Variants in TENM2 observed in about 807,000 individuals in gnomAD.
TENM2 encodes the protein teneurin transmembrane protein 2, also known as teneurin-2.
A neutral mutation model predicts 245.2 loss-of-function variants in TENM2; 52 were observed. That is an observed-to-expected ratio of 0.21 (90% CI 0.17 to 0.27). The LOEUF (loss-of-function observed/expected upper bound fraction) is 0.27, where lower values mean the gene tolerates loss of function less well. Ranked by LOEUF, TENM2 falls within the 10% of genes least tolerant of loss-of-function variation. The probability of loss-of-function intolerance (pLI) is 1.00; values close to 1 mark genes in which losing one functional copy is unlikely to be tolerated. For synonymous variants in TENM2, 1,363 were observed against 1,438.9 expected (o/e 0.95, Z 1.19); for missense variants, 3,046 against 3,666.8 (o/e 0.83, Z 4.37).
At chr5:167,060,623 C>T in the TENM2 span, among the ~76,000 whole-genome samples, 80 of 147,394 alleles carry the variant, frequency 5.4e-4, no homozygotes, top group Non-Finnish European at 8.6e-4. Flanking sequence ...TGCACTCCAG[C>T]CTGATCAACA....
intron 2 of TENM2, among the ~76,000 whole-genome samples, chr5:167,606,153 G>T (rs2127738463): frequency 6.6e-6 from 1 of 152,274 alleles, no homozygotes; most frequent in Non-Finnish European, 1.5e-5. Context: ...AGACATCTGT[G>T]TTTGCACTCC....
chr5:167,578,901 G>A (rs1243142922), intron 2 of TENM2, among the ~76,000 whole-genome samples: 1 of 152,138 alleles, frequency 6.6e-6, no homozygotes, highest in Non-Finnish European at 1.5e-5. Flanking sequence ...CGATGAGAAG[G>A]AGCAAAAATA....
intron 1 of TENM2, among the ~76,000 whole-genome samples, chr5:167,312,763 A>G (rs1253639521): frequency 6.6e-6 from 1 of 151,306 alleles, no homozygotes; most frequent in East Asian, 2.0e-4. Context: ...CTATCTCTTT[A>G]GTTTTGTGTG....
the TENM2 span, among the ~76,000 whole-genome samples, chr5:166,989,260 T>C: frequency 1.5e-4 from 20 of 134,864 alleles, no homozygotes; most frequent in African/African-American, 5.7e-4. Context: ...ATCTTTTTTT[T>C]TTTTTTTTTT....
At chr5:167,158,917 TC>T in the TENM2 span, among the ~76,000 whole-genome samples, 1 of 141,060 alleles carries the variant, frequency 7.1e-6, no homozygotes, top group African/African-American at 2.7e-5. Context: ...CCTCTTCCTC[TC>T]TCTCTCTCTC....
At chr5:167,370,069 G>A (rs966125603) in intron 1 of TENM2, among the ~76,000 whole-genome samples, 4 of 152,262 alleles carry the variant, frequency 2.6e-5, no homozygotes, top group Non-Finnish European at 5.9e-5. Context: ...GAGGCTGGGC[G>A]CGGTGGCTCA....
At chr5:167,540,668 A>G (rs1772146696) in intron 2 of TENM2, among the ~76,000 whole-genome samples, 1 of 152,196 alleles carries the variant, frequency 6.6e-6, no homozygotes. Context: ...ATAAATATCT[A>G]GATGATAGAG....
At chr5:167,882,345 T>C (rs1773947439) in intron 3 of TENM2, among the ~76,000 whole-genome samples, 1 of 152,206 alleles carries the variant, frequency 6.6e-6, no homozygotes, top group Admixed American at 6.5e-5. Context: ...AGGTGAAGCA[T>C]GTGCTCTGAC....
intron 3 of TENM2, among the ~76,000 whole-genome samples, chr5:167,905,084 A>C (rs879405639): frequency 6.6e-6 from 1 of 152,184 alleles, no homozygotes; most frequent in Admixed American, 6.5e-5. Flanking sequence ...TGAGTCCAAA[A>C]ATGATCTCAC....
chr5:167,111,620 A>G, the TENM2 span, among the ~76,000 whole-genome samples: 1 of 152,156 alleles, frequency 6.6e-6, no homozygotes, highest in African/African-American at 2.4e-5. Context: ...GTTTTTAATA[A>G]AACGTATACA....
chr5:167,824,342 G>T (rs996704262), intron 2 of TENM2, among the ~76,000 whole-genome samples: 1 of 152,236 alleles, frequency 6.6e-6, no homozygotes, highest in Admixed American at 6.5e-5. Context: ...ATGGAACAAA[G>T]CATTGTCTTC....
intron 2 of TENM2, among the ~76,000 whole-genome samples, chr5:167,850,128 C>A (rs1027010846): frequency 2.0e-5 from 3 of 152,198 alleles, no homozygotes. Context: ...TGACCCCAGC[C>A]ACCAGTCGTC....
chr5:168,041,535 A>C (rs1378030250), intron 5 of TENM2, among the ~76,000 whole-genome samples: 1 of 152,156 alleles, frequency 6.6e-6, no homozygotes, highest in African/African-American at 2.4e-5. Flanking sequence ...CTCAAATGTT[A>C]CCTATCACAA....
At chr5:167,056,464 A>C in the TENM2 span, among the ~76,000 whole-genome samples, 1 of 146,640 alleles carries the variant, frequency 6.8e-6, no homozygotes, top group Non-Finnish European at 1.5e-5. Context: ...TAATATTTTT[A>C]ATATATATGT....
At chr5:168,162,554 G>A in intron 12 of TENM2, 57 bp from the exon 15 acceptor site, 1 of 1,584,862 alleles carries the variant, frequency 6.3e-7, no homozygotes, top group Non-Finnish European at 8.6e-7. Context: ...TGGCTCCCCT[G>A]CTTCCCCAGC....
chr5:167,978,842 G>A (rs1650500590), intron 4 of TENM2, among the ~76,000 whole-genome samples: 1 of 152,120 alleles, frequency 6.6e-6, no homozygotes, highest in African/African-American at 2.4e-5. Flanking sequence ...AGAGAAAATA[G>A]CCGGAGGATC....
chr5:168,234,662 A>G (rs565838345), intron 25 of TENM2, among the ~76,000 whole-genome samples: 4 of 152,288 alleles, frequency 2.6e-5, no homozygotes, highest in African/African-American at 9.6e-5. Context: ...GAGAACTGAA[A>G]TCAACCCCTT....
intron 3 of TENM2, among the ~76,000 whole-genome samples, chr5:167,895,000 A>AGGAGGGAG (rs1561906999): frequency 3.6e-5 from 4 of 111,594 alleles, no homozygotes; most frequent in East Asian, 3.4e-4. Flanking sequence ...GAGGGAAGGA[A>AGGAGGGAG]GGAAGGAAGG....
chr5:167,834,313 C>T (rs1768775563), intron 2 of TENM2, among the ~76,000 whole-genome samples: 1 of 152,088 alleles, frequency 6.6e-6, no homozygotes, highest in Admixed American at 6.5e-5. Flanking sequence ...GGTCCTGGCT[C>T]CTTTTATGGG....
Sources: allele counts gnomAD v4.1 joint callset (sites outside exome capture counted in the v4.1 genomes callset), GRCh38; gene constraint gnomAD v4.1.1; transcripts MANE v1.5; gene names NCBI Gene and HGNC (gene_info 2026-07-23, HGNC 2026-07-21).